Variants in DSCAM observed in about 807,000 individuals in gnomAD.
The protein encoded by DSCAM is DS cell adhesion molecule, also known as cell adhesion molecule DSCAM.
DSCAM carries 47 observed loss-of-function variants against 217.7 expected under a neutral mutation model. The ratio of observed to expected loss-of-function variants is 0.22; its 90% CI spans 0.17 to 0.28. The LOEUF (loss-of-function observed/expected upper bound fraction) is 0.28. DSCAM is among the 10% of genes least tolerant of loss of function. The pLI is 1.00. For synonymous variants in DSCAM, 1,056 were observed against 1,015.3 expected, an observed-to-expected ratio of 1.04 and a Z score of -0.76; for missense variants, 2,080 against 2,618.3, an observed-to-expected ratio of 0.79 and a Z score of 4.49.
intron 3 of DSCAM, among the ~76,000 whole-genome samples, chr21:40,484,219 C>T (rs908755643): frequency 6.6e-6 from 1 of 152,132 alleles, no homozygotes; most frequent in African/African-American, 2.4e-5. Flanking sequence ...ATATATTGTC[C>T]GGCAGAATTG....
At position 40,114,818 on chromosome 21, in the gene DSCAM, C is replaced by T. The variant is rs144191493; in HGVS notation, c.3696+9377G>A. ...GCCAAAAGACACATGACAAAATGCTCATCATCACTGGCTGTTAGAGAAATG... is the reference window on the plus strand; with the variant it reads ...GCCAAAAGACACATGACAAAATGCTTATCATCACTGGCTGTTAGAGAAATG... On this transcript the variant is annotated intron_variant, in intron 20 of 32. Transcript: ENST00000400454. Among the ~76,000 whole-genome samples the T allele has an allele frequency of 4.5e-4, 68 of 152,310 alleles. 2 individuals carry two copies. In the East Asian group the frequency reaches 0.013, roughly 29 times the overall value.
chr21:40,738,020 C>A (rs867602419), intron 1 of DSCAM, among the ~76,000 whole-genome samples: 15 of 152,290 alleles, frequency 9.8e-5, no homozygotes, highest in African/African-American at 3.6e-4. Context: ...TCAAGGGATG[C>A]TGTGGCTCCT....
chr21:40,635,635 A>G (rs1250220097), intron 3 of DSCAM, among the ~76,000 whole-genome samples: 1 of 152,050 alleles, frequency 6.6e-6, no homozygotes, highest in East Asian at 1.9e-4. Context: ...GAATGTGTGG[A>G]CAGTTATTTC....
chr21:40,381,643 T>C (rs1201844489), intron 3 of DSCAM, among the ~76,000 whole-genome samples: 1 of 152,224 alleles, frequency 6.6e-6, no homozygotes, highest in East Asian at 1.9e-4. Context: ...CTGTAAAGTT[T>C]GTCTACCTGA....
intron 11 of DSCAM, among the ~76,000 whole-genome samples, chr21:40,239,540 T>G (rs1314664103): frequency 1.3e-5 from 2 of 152,230 alleles, no homozygotes; most frequent in African/African-American, 4.8e-5. Flanking sequence ...TAAAATGTAA[T>G]GCTTTTTCCA....
At chr21:40,400,278 T>C (rs1409325812) in intron 3 of DSCAM, among the ~76,000 whole-genome samples, 1 of 152,234 alleles carries the variant, frequency 6.6e-6, no homozygotes, top group Non-Finnish European at 1.5e-5. Flanking sequence ...CATTACATTA[T>C]TTAAAAATAT....
intron 8 of DSCAM, among the ~76,000 whole-genome samples, chr21:40,332,379 C>G (rs1376697315): frequency 6.6e-6 from 1 of 152,184 alleles, no homozygotes; most frequent in African/African-American, 2.4e-5. Flanking sequence ...GCAGCCTCAT[C>G]TCTCTTCTAT....
chr21:40,735,228 T>C (rs1392754436), intron 1 of DSCAM, among the ~76,000 whole-genome samples: 1 of 152,230 alleles, frequency 6.6e-6, no homozygotes, highest in African/African-American at 2.4e-5. Context: ...TTCTAACACC[T>C]AGTACGGCAC....
chr21:40,198,664 T>C (rs16999480), intron 11 of DSCAM, among the ~76,000 whole-genome samples: 2,006 of 152,266 alleles, frequency 0.013, 17 homozygotes, highest in South Asian at 0.02. Flanking sequence ...TGGATGACCA[T>C]AGCCATTGCT....
intron 3 of DSCAM, among the ~76,000 whole-genome samples, chr21:40,469,686 C>T (rs1231081897): frequency 3.3e-5 from 5 of 151,598 alleles, no homozygotes; most frequent in African/African-American, 1.2e-4. Flanking sequence ...TGAACCATCA[C>T]AATATGAAGT....
At chr21:40,451,539 T>G (rs2075719704) in intron 3 of DSCAM, among the ~76,000 whole-genome samples, 1 of 152,132 alleles carries the variant, frequency 6.6e-6, no homozygotes, top group Non-Finnish European at 1.5e-5. Context: ...CATGTCATAT[T>G]AAGTCTGCAC....
intron 11 of DSCAM, among the ~76,000 whole-genome samples, chr21:40,233,009 C>G (rs577413216): frequency 3.9e-5 from 6 of 152,034 alleles, no homozygotes; most frequent in Admixed American, 3.3e-4. Context: ...ATAAATGGGT[C>G]TAAACATTAA....
At chr21:40,120,183 C>T (rs1300786197) in intron 20 of DSCAM, among the ~76,000 whole-genome samples, 1 of 152,164 alleles carries the variant, frequency 6.6e-6, no homozygotes, top group Non-Finnish European at 1.5e-5. Context: ...AACTCAGCAA[C>T]ATTTATTGAG....
At chr21:40,202,074 C>T (rs2091075825) in intron 11 of DSCAM, among the ~76,000 whole-genome samples, 3 of 152,112 alleles carry the variant, frequency 2.0e-5, no homozygotes, top group African/African-American at 7.2e-5. Flanking sequence ...ATCACTTGCT[C>T]CAGGGAAGCC....
chr21:40,326,823 G>C (rs2074322470), intron 8 of DSCAM, among the ~76,000 whole-genome samples: 1 of 151,770 alleles, frequency 6.6e-6, no homozygotes, highest in Non-Finnish European at 1.5e-5. Context: ...ACTTCAAGCT[G>C]ATTTATAGCC....
chr21:40,568,530 A>G (rs527300430), intron 3 of DSCAM, among the ~76,000 whole-genome samples: 9 of 152,302 alleles, frequency 5.9e-5, no homozygotes, highest in African/African-American at 1.9e-4. Flanking sequence ...TTATATGTGG[A>G]GACTTATGGA....
intron 11 of DSCAM, among the ~76,000 whole-genome samples, chr21:40,196,329 T>A (rs951833297): frequency 1.3e-5 from 2 of 152,056 alleles, no homozygotes; most frequent in African/African-American, 4.8e-5. Context: ...CTCACCTGAG[T>A]CATAGAGGAG....
chr21:40,147,366 C>G (rs1274038046), intron 16 of DSCAM, among the ~76,000 whole-genome samples: 1 of 152,206 alleles, frequency 6.6e-6, no homozygotes, highest in African/African-American at 2.4e-5. Context: ...AGAAATCTTC[C>G]CTTGTTTCCT....
intron 11 of DSCAM, among the ~76,000 whole-genome samples, chr21:40,232,570 T>C (rs1352973023): frequency 6.6e-6 from 1 of 152,124 alleles, no homozygotes; most frequent in Non-Finnish European, 1.5e-5. Flanking sequence ...TGTTTGACAT[T>C]TCATGTTTTC....
Sources: gnomAD v4.1 joint callset for allele counts (sites outside exome capture counted in the v4.1 genomes callset) on GRCh38, gnomAD v4.1.1 for gene constraint, MANE v1.5 for transcripts, NCBI Gene and HGNC (gene_info 2026-07-23, HGNC 2026-07-21) for gene names.